TECPR2: variants seen among roughly 807,000 people sequenced by gnomAD.
The protein encoded by TECPR2 is tectonin beta-propeller repeat containing 2.
In TECPR2, 65 loss-of-function variants were observed where a neutral mutation model predicts 138.1. The ratio of observed to expected loss-of-function variants is 0.47; its 90% CI spans 0.39 to 0.58. The LOEUF is 0.58. TECPR2 is among the 20% of genes least tolerant of loss of function. The pLI, the probability that TECPR2 is intolerant of heterozygous loss-of-function variation, is 0.00. For synonymous variants in TECPR2, 746 were observed against 749.8 expected (o/e 0.99, Z 0.08); for missense variants, 1,553 against 1,824.5 (o/e 0.85, Z 2.71).
intron 8 of TECPR2, among the ~76,000 whole-genome samples, chr14:102,433,760 G>A (rs1331226912): frequency 6.6e-6 from 1 of 152,018 alleles, no homozygotes; most frequent in Non-Finnish European, 1.5e-5. Flanking sequence ...GACCTAAGGT[G>A]GCCCACCCGC....
intron 16 of TECPR2, among the ~76,000 whole-genome samples, chr14:102,463,107 G>A (rs1245215621): frequency 6.6e-6 from 1 of 152,156 alleles, no homozygotes; most frequent in Admixed American, 6.6e-5. Context: ...ATCTCCATTG[G>A]GGAAACTGGC....
chr14:102,394,594 C>T (rs6575912), intron 2 of TECPR2, among the ~76,000 whole-genome samples: 48,643 of 151,894 alleles, frequency 0.32, 8,107 homozygotes, highest in Middle Eastern at 0.4. Flanking sequence ...AGAGCGAGAC[C>T]CTGTCTCAAA....
At chr14:102,385,804 C>T (rs965938105) in intron 2 of TECPR2, among the ~76,000 whole-genome samples, 11 of 151,992 alleles carry the variant, frequency 7.2e-5, no homozygotes, top group African/African-American at 2.4e-4. Flanking sequence ...GGCGTGATGG[C>T]GTGTACCTGT....
intron 17 of TECPR2, among the ~76,000 whole-genome samples, chr14:102,477,988 C>G (rs1411034302): frequency 6.7e-6 from 1 of 148,382 alleles, no homozygotes; most frequent in African/African-American, 2.5e-5. Context: ...GATCTCCTGG[C>G]CTCGTGATCT....
intron 2 of TECPR2, among the ~76,000 whole-genome samples, chr14:102,389,692 T>C (rs974114272): frequency 5.3e-5 from 8 of 152,236 alleles, no homozygotes; most frequent in Non-Finnish European, 1.5e-5. Context: ...CTTTAAAGTA[T>C]TAATGCCACT....
intron 4 of TECPR2, among the ~76,000 whole-genome samples, chr14:102,408,944 A>C (rs1250175509): frequency 5.3e-5 from 8 of 152,202 alleles, no homozygotes. Flanking sequence ...AACTGTGGAC[A>C]AGTCAGTGAT....
intron 2 of TECPR2, among the ~76,000 whole-genome samples, chr14:102,387,973 A>G (rs1238756669): frequency 1.3e-5 from 2 of 152,236 alleles, no homozygotes; most frequent in Non-Finnish European, 1.5e-5. Flanking sequence ...AGCCTGAAAC[A>G]TGTCTTGGAT....
At chr14:102,372,787 G>T (rs1887539542) in intron 1 of TECPR2, among the ~76,000 whole-genome samples, 1 of 151,974 alleles carries the variant, frequency 6.6e-6, no homozygotes, top group Admixed American at 6.6e-5. Context: ...AGGCCTGGTG[G>T]CAGGCACCTG....
chr14:102,363,802 G>A (rs1887263675), intron 1 of TECPR2, among the ~76,000 whole-genome samples: 1 of 152,224 alleles, frequency 6.6e-6, no homozygotes, highest in African/African-American at 2.4e-5. Flanking sequence ...CTCTGGCTTG[G>A]TAAGAGGATT....
intron 16 of TECPR2, among the ~76,000 whole-genome samples, chr14:102,453,479 C>CA (rs970469094): frequency 0.024 from 2,957 of 124,166 alleles, 34 homozygotes; most frequent in Middle Eastern, 0.036. Context: ...GATTCTGTTT[C>CA]AAAAAAAAAA....
chr14:102,477,800 T>C (rs1471008576), intron 17 of TECPR2, among the ~76,000 whole-genome samples: 3 of 131,922 alleles, frequency 2.3e-5, no homozygotes, highest in African/African-American at 8.4e-5. Context: ...CCAGGCGTGG[T>C]GGCGGGCGCC....
At chr14:102,496,872 C>G in intron 17 of TECPR2, 107 bp from the exon 18 acceptor site, 2 of 1,519,242 alleles carry the variant, frequency 1.3e-6, no homozygotes, top group Non-Finnish European at 1.8e-6. Flanking sequence ...GGGGCCCACA[C>G]TGGCTGCTGC....
chr14:102,428,216 TTTTTTG>T (rs751412356), intron 6 of TECPR2, 28 bp from the exon 7 acceptor site: 1,673 of 1,473,442 alleles, frequency 1.1e-3, no homozygotes, highest in Non-Finnish European at 1.4e-3. Flanking sequence ...TAGTTTTGTG[TTTTTTG>T]TTTTTTTTTT....
In TECPR2 at chr14:102,432,012, G is replaced by A. The variant is rs750558246; in HGVS notation, c.1301G>A (p.Gly434Asp). 1.9e-6 allele frequency: 3 copies of A among 1,612,760 alleles called. No individual in the cohort carries two copies. The highest frequency in any genetic ancestry group is 1.3e-5 in the African/African-American group (1 of 74,942). Residue 434 changes from glycine (G) to aspartate (D), a missense_variant, in exon 8 of 20, where the codon GGC becomes GAC. Physicochemically the swap from Gly to Asp is moderately conservative, Grantham distance 94 (BLOSUM62 -1). Coordinates refer to ENST00000359520, the MANE Select transcript of TECPR2 (RefSeq NM_014844.5). ...GGGCTCCAGGCCACCCCTGAGCTGG[G>A]CAAGGGCAGCCAGCCCCTGTCACAG... ...PPGLQATPELGKGSQPLSQRF... is the reference protein window; with the variant it reads ...PPGLQATPELDKGSQPLSQRF...
chr14:102,408,154 A>G (rs1325757708), intron 3 of TECPR2, among the ~76,000 whole-genome samples: 1 of 151,674 alleles, frequency 6.6e-6, no homozygotes, highest in East Asian at 1.9e-4. Context: ...AGCCTGACGG[A>G]GCGAGACTCT....
At chr14:102,493,707 C>T (rs2139799585) in intron 17 of TECPR2, among the ~76,000 whole-genome samples, 1 of 152,328 alleles carries the variant, frequency 6.6e-6, no homozygotes, top group African/African-American at 2.4e-5. Context: ...TGGATTGCAT[C>T]CCACAGCCCT....
At position 102,452,572 on chromosome 14, in the gene TECPR2, C is replaced by T. The variant is rs774384501; in HGVS notation, c.3585C>T (p.Leu1195=). The T allele has an allele frequency of 6.2e-7, 1 of 1,609,202 alleles. No homozygotes were observed. The highest frequency in any genetic ancestry group is 8.5e-7 in the Non-Finnish European group (1 of 1,178,390). The change falls in exon 16 of 20, where the codon CTC becomes CTT. Residue 1195 remains leucine, a synonymous_variant. Coordinates refer to ENST00000359520, the MANE Select transcript of TECPR2 (RefSeq NM_014844.5). ...TCGGCCAGGTGTTCATCAGGACGCTCTCCAAGAGCTGCCCCACGGGCATGC... is the reference window on the plus strand; with the variant it reads ...TCGGCCAGGTGTTCATCAGGACGCTTTCCAAGAGCTGCCCCACGGGCATGC... ...DSLGQVFIRT[L]SKSCPTGMHW...
intron 9 of TECPR2, among the ~76,000 whole-genome samples, chr14:102,435,452 C>T (rs574192739): frequency 4.6e-4 from 70 of 152,326 alleles, no homozygotes; most frequent in African/African-American, 1.6e-3. Context: ...ACCAAGGTAG[C>T]GTCTTGCTGT....
At chr14:102,480,034 A>G (rs1244734454) in intron 17 of TECPR2, among the ~76,000 whole-genome samples, 2 of 152,194 alleles carry the variant, frequency 1.3e-5, no homozygotes, top group Non-Finnish European at 2.9e-5. Context: ...TGTAGATTCA[A>G]TTGACCTTGG....
Sources: allele counts gnomAD v4.1 joint callset (sites outside exome capture counted in the v4.1 genomes callset), GRCh38; gene constraint gnomAD v4.1.1; transcripts MANE v1.5; gene names NCBI Gene and HGNC (gene_info 2026-07-23, HGNC 2026-07-21).